SLC35D4: variants seen among roughly 807,000 people sequenced by gnomAD.
The protein encoded by SLC35D4 is UDP-N-acetylglucosamine transporter SLC35D4.
At chr18:23,399,240 T>G in the SLC35D4 span, among the ~76,000 whole-genome samples, 1 of 152,222 alleles carries the variant, frequency 6.6e-6, no homozygotes, top group Non-Finnish European at 1.5e-5. Flanking sequence ...TCCCTGCTCC[T>G]GTGGACAGCC....
chr18:23,317,028 C>G, the SLC35D4 span, among the ~76,000 whole-genome samples: 30 of 152,152 alleles, frequency 2.0e-4, no homozygotes, highest in African/African-American at 7.2e-4. Flanking sequence ...GGAACTAAAA[C>G]CCAGGTCTCC....
At chr18:23,246,635 C>T in the SLC35D4 span, among the ~76,000 whole-genome samples, 2 of 151,616 alleles carry the variant, frequency 1.3e-5, no homozygotes, top group Admixed American at 1.3e-4. Flanking sequence ...TTGTGATCCG[C>T]CCACCTTGGC....
chr18:23,251,158 A>G, the SLC35D4 span, among the ~76,000 whole-genome samples: 1 of 152,202 alleles, frequency 6.6e-6, no homozygotes, highest in Admixed American at 6.5e-5. Flanking sequence ...ACTGATTAAG[A>G]TTATGGCATG....
the SLC35D4 span, among the ~76,000 whole-genome samples, chr18:23,279,491 G>A: frequency 1.3e-5 from 2 of 152,134 alleles, no homozygotes; most frequent in African/African-American, 2.4e-5. Context: ...CAGTACCTCC[G>A]AATGTGACCT....
At chr18:23,250,308 C>A in the SLC35D4 span, among the ~76,000 whole-genome samples, 2 of 149,908 alleles carry the variant, frequency 1.3e-5, no homozygotes, top group African/African-American at 5.0e-5. Flanking sequence ...AGAGTAGAAG[C>A]GGCCTGTCTC....
chr18:23,432,839 GA>G, the SLC35D4 span, among the ~76,000 whole-genome samples: 1 of 151,706 alleles, frequency 6.6e-6, no homozygotes, highest in Non-Finnish European at 1.5e-5. Flanking sequence ...AAATTAGCCG[GA>G]CATGGTTGTG....
chr18:23,315,085 C>T, the SLC35D4 span, among the ~76,000 whole-genome samples: 74,985 of 151,892 alleles, frequency 0.49, 19,549 homozygotes, highest in Middle Eastern at 0.64. Flanking sequence ...CAATCAGAGA[C>T]TTAGGTTTAT....
the SLC35D4 span, among the ~76,000 whole-genome samples, chr18:23,287,475 G>C: frequency 3.0e-3 from 454 of 152,170 alleles, 5 homozygotes; most frequent in South Asian, 0.026. Context: ...TTATCTGTTA[G>C]CTATCTCAGC....
At chr18:23,317,284 G>A in the SLC35D4 span, among the ~76,000 whole-genome samples, 1 of 152,146 alleles carries the variant, frequency 6.6e-6, no homozygotes, top group South Asian at 2.1e-4. Context: ...CTCATAGGAA[G>A]ATAGGATTGA....
chr18:23,370,315 C>T, the SLC35D4 span: 1 of 1,583,392 alleles, frequency 6.3e-7, no homozygotes, highest in Admixed American at 1.8e-5. Context: ...CAAGGAGCTG[C>T]TGGCCTGTCC....
At chr18:23,257,386 C>T in the SLC35D4 span, 4 of 1,569,838 alleles carry the variant, frequency 2.5e-6, no homozygotes, top group South Asian at 1.2e-5. Context: ...CCGAGGACAG[C>T]CAAGGGCCAT....
At chr18:23,279,976 A>T in the SLC35D4 span, among the ~76,000 whole-genome samples, 6 of 152,158 alleles carry the variant, frequency 3.9e-5, no homozygotes, top group Non-Finnish European at 7.3e-5. Context: ...AAGTGCTGGG[A>T]TTACAGGTGT....
At chr18:23,422,493 C>G in the SLC35D4 span, among the ~76,000 whole-genome samples, 1 of 152,090 alleles carries the variant, frequency 6.6e-6, no homozygotes, top group African/African-American at 2.4e-5. Context: ...GAAGTCTTCC[C>G]CACCAACCCT....
the SLC35D4 span, among the ~76,000 whole-genome samples, chr18:23,379,109 G>C: frequency 2.0e-5 from 3 of 151,096 alleles, no homozygotes; most frequent in South Asian, 6.3e-4. Context: ...TATGATAAAT[G>C]TGTTACTCAA....
chr18:23,385,093 T>C, the SLC35D4 span: 5 of 1,596,690 alleles, frequency 3.1e-6, no homozygotes, highest in Non-Finnish European at 4.3e-6. Flanking sequence ...ATAAAAAACA[T>C]GAAAATATTT....
the SLC35D4 span, among the ~76,000 whole-genome samples, chr18:23,305,223 G>C: frequency 6.6e-6 from 1 of 152,194 alleles, no homozygotes; most frequent in South Asian, 2.1e-4. Context: ...TCTTGTCCTG[G>C]GTGACGCTCT....
chr18:23,330,698 C>T, the SLC35D4 span, among the ~76,000 whole-genome samples: 2 of 152,196 alleles, frequency 1.3e-5, no homozygotes, highest in African/African-American at 4.8e-5. Flanking sequence ...GAGTGAGTTC[C>T]TGGCTCCCGT....
the SLC35D4 span, among the ~76,000 whole-genome samples, chr18:23,435,022 G>A: frequency 6.6e-6 from 1 of 151,820 alleles, no homozygotes; most frequent in Non-Finnish European, 1.5e-5. Context: ...GCCCAGCATG[G>A]TGGTGCACAC....
chr18:23,380,788 G>A, the SLC35D4 span, among the ~76,000 whole-genome samples: 1 of 151,866 alleles, frequency 6.6e-6, no homozygotes, highest in Admixed American at 6.5e-5. Context: ...CTGTGTGTGT[G>A]TGTGTGTATG....
Sources: gnomAD v4.1 joint callset for allele counts (sites outside exome capture counted in the v4.1 genomes callset) on GRCh38, gnomAD v4.1.1 for gene constraint, MANE v1.5 for transcripts, NCBI Gene and HGNC (gene_info 2026-07-23, HGNC 2026-07-21) for gene names.